SYNE3: variants seen among roughly 807,000 people sequenced by gnomAD.
The protein encoded by SYNE3 is spectrin repeat containing nuclear envelope family member 3.
Under a neutral mutation model 111.2 loss-of-function variants are expected in SYNE3, and 100 were observed. That is an observed-to-expected ratio of 0.90 (90% CI 0.77 to 1.06). SYNE3 has a LOEUF of 1.06. Among genes scored for constraint, SYNE3 ranks in the 50% least tolerant of loss-of-function variants. The pLI is 0.00. For missense variants in SYNE3, 1,160 were observed against 1,240.3 expected, an observed-to-expected ratio of 0.94 and a Z score of 0.97; for synonymous variants, 547 against 533.9, an observed-to-expected ratio of 1.02 and a Z score of -0.34.
At position 95,466,211 on chromosome 14, in the gene SYNE3, C is replaced by T. The variant is rs967775438; in HGVS notation, c.347G>A (p.Ser116Asn). 1.9e-6 allele frequency: 3 copies of T among 1,585,458 alleles called. No homozygotes were observed. The highest frequency in any genetic ancestry group is 8.6e-7 in the Non-Finnish European group (1 of 1,158,140). ...SRIEWVWLHW[S>N]EYLLARDEFY... ...CTCATCTCGGGCCAGCAGGTACTCG[C>T]TCCAGTGCAGCCACACCCACTCGAT... is the stretch of plus-strand genomic sequence containing the variant. Residue 116 changes from serine (S) to asparagine (N), a missense_variant, in exon 4 of 18, where the codon AGC (serine) becomes AAC (asparagine). Ser to Asn is a conservative substitution (Grantham distance 46, BLOSUM62 1). Coordinates refer to ENST00000682763, the MANE Select transcript of SYNE3 (RefSeq NM_152592.6).
At chr14:95,427,308 C>T (rs943086946) in intron 17 of SYNE3, among the ~76,000 whole-genome samples, 6 of 152,148 alleles carry the variant, frequency 3.9e-5, no homozygotes, top group Admixed American at 1.3e-4. Context: ...GACTGGGAAA[C>T]GGAGTCTCCC....
intron 8 of SYNE3, 129 bp downstream of exon 8, chr14:95,449,802 G>C: frequency 7.0e-7 from 1 of 1,421,064 alleles, no homozygotes; most frequent in Non-Finnish European, 9.4e-7. Context: ...TCAGCAGACC[G>C]GGCGCAGTGA....
At chr14:95,502,516 A>G (rs192706988) in intron 1 of SYNE3, among the ~76,000 whole-genome samples, 1 of 152,090 alleles carries the variant, frequency 6.6e-6, no homozygotes, top group East Asian at 1.9e-4. Context: ...TCTGAGCTTT[A>G]TCTCCTGAAG....
chr14:95,475,709 G>A lies in SYNE3; in HGVS notation c.113C>T (p.Ala38Val), dbSNP rs377599534. The change falls in exon 2 of 18, where the codon GCG becomes GTG. Residue 38 changes from alanine (A) to valine (V), a missense_variant. By Grantham distance (64) the Ala-to-Val change is moderately conservative. Transcript: ENST00000682763. Reference protein sequence around the residue: ...QVNDNTQGPRAALEARLWETE... With the variant: ...QVNDNTQGPRVALEARLWETE... ...CTCCCACAGCCTGGCCTCCAGGGCC[G>A]CGCGGGGTCCCTGCGTGTTGTCATT... is the stretch of plus-strand genomic sequence containing the variant. 98 of 1,595,880 alleles carry A rather than the reference G, an allele frequency of 6.1e-5. 1 individual carries two copies. In the East Asian group the frequency reaches 1.8e-3, roughly 29 times the overall value.
At chr14:95,439,508 C>T in intron 13 of SYNE3, 104 bp downstream of exon 13, 3 of 1,492,542 alleles carry the variant, frequency 2.0e-6, no homozygotes, top group Non-Finnish European at 2.8e-6. Context: ...CCTGGCTCCA[C>T]ACTGGGCAGC....
At chr14:95,464,069 T>C (rs913980753) in intron 4 of SYNE3, among the ~76,000 whole-genome samples, 1 of 152,250 alleles carries the variant, frequency 6.6e-6, no homozygotes, top group Non-Finnish European at 1.5e-5. Flanking sequence ...GCCTTGTTCC[T>C]GGTGGATTTT....
intron 1 of SYNE3, among the ~76,000 whole-genome samples, chr14:95,514,255 G>T (rs984025676): frequency 6.6e-6 from 1 of 152,202 alleles, no homozygotes; most frequent in East Asian, 1.9e-4. Context: ...TTGAAGCAGA[G>T]GTCAGCTAGG....
intron 1 of SYNE3, among the ~76,000 whole-genome samples, chr14:95,480,381 C>A (rs559634456): frequency 6.6e-6 from 1 of 150,650 alleles, no homozygotes; most frequent in Non-Finnish European, 1.5e-5. Context: ...CAAATGACAG[C>A]GGAAGAGAAG....
At chr14:95,490,945 G>C (rs1484636954) in intron 1 of SYNE3, among the ~76,000 whole-genome samples, 1 of 152,242 alleles carries the variant, frequency 6.6e-6, no homozygotes, top group Non-Finnish European at 1.5e-5. Context: ...CAAGGGCAGA[G>C]GCTATGTCTC....
intron 2 of SYNE3, among the ~76,000 whole-genome samples, chr14:95,469,965 C>G (rs1265449326): frequency 1.3e-5 from 2 of 152,144 alleles, no homozygotes; most frequent in African/African-American, 4.8e-5. Context: ...GGCAAACAAG[C>G]TCCTTCCAAA....
chr14:95,511,094 G>A (rs911679), intron 1 of SYNE3, among the ~76,000 whole-genome samples: 1 of 152,094 alleles, frequency 6.6e-6, no homozygotes, highest in African/African-American at 2.4e-5. Context: ...TTCCACTCCC[G>A]CTCTGGATGA....
intron 17 of SYNE3, among the ~76,000 whole-genome samples, chr14:95,427,660 T>G (rs898544785): frequency 3.9e-5 from 6 of 152,190 alleles, no homozygotes; most frequent in Non-Finnish European, 8.8e-5. Context: ...TCATGTGACC[T>G]TGTCAATCAT....
rs1903609890 is a variant in SYNE3 at position 95,417,282 on chromosome 14, T to G, written c.*544A>C. On this transcript the variant is annotated 3_prime_UTR_variant, in exon 18 of 18. Coordinates refer to ENST00000682763, the MANE Select transcript of SYNE3 (RefSeq NM_152592.6). ...AGCTACTCTTTGTGGTTGTTAAAACTAGACAAGCATACTTGTTCTCATTAC... is the reference window on the plus strand; with the variant it reads ...AGCTACTCTTTGTGGTTGTTAAAACGAGACAAGCATACTTGTTCTCATTAC... 1 of 163,096 alleles carries G rather than the reference T, an allele frequency of 6.1e-6. No individual in the cohort carries two copies. The highest frequency in any genetic ancestry group is 2.4e-5 in the African/African-American group (1 of 41,688). The allele number at this position is 163,096 out of a possible 1,614,324, so 10.1% of individuals were successfully genotyped here. A position where few individuals can be genotyped will look rare whatever the true frequency, so the allele number is the denominator to read the frequency against.
intron 2 of SYNE3, 93 bp downstream of exon 2, chr14:95,475,585 C>G: frequency 3.1e-6 from 4 of 1,271,600 alleles, no homozygotes; most frequent in Non-Finnish European, 4.0e-6. Context: ...TTTAGTCCAC[C>G]GTTGCCTTTC....
chr14:95,421,237 G>A (rs890219217), intron 17 of SYNE3, among the ~76,000 whole-genome samples: 7 of 152,152 alleles, frequency 4.6e-5, no homozygotes, highest in African/African-American at 1.7e-4. Flanking sequence ...GGAAGCAGGG[G>A]TTGATGAGCC....
chr14:95,461,459 G>A (rs1887811771), intron 4 of SYNE3, among the ~76,000 whole-genome samples: 1 of 152,232 alleles, frequency 6.6e-6, no homozygotes, highest in Admixed American at 6.5e-5. Flanking sequence ...TCCCCTCTGG[G>A]CTTAGCCTTG....
intron 17 of SYNE3, among the ~76,000 whole-genome samples, chr14:95,430,950 C>T (rs757527599): frequency 3.3e-5 from 5 of 152,216 alleles, no homozygotes; most frequent in Non-Finnish European, 5.9e-5. Context: ...TTGTGACTGC[C>T]CTGCCCAGTC....
intron 1 of SYNE3, among the ~76,000 whole-genome samples, chr14:95,495,711 G>A (rs906659604): frequency 6.6e-6 from 1 of 152,192 alleles, no homozygotes; most frequent in African/African-American, 2.4e-5. Flanking sequence ...GTAAAATGTC[G>A]GCAGAATGAG....
In SYNE3 at chr14:95,513,737, TTATATATATATATATA is replaced by T. The variant is rs59944497; in HGVS notation, c.-15+2843_-15+2858del. ...TTGTGGTCCAGTCAGGCTGCTTAGATTATATATATATATATATATATATATATATATATATTCAGAA... is the reference window on the plus strand; with the variant it reads ...TTGTGGTCCAGTCAGGCTGCTTAGATTATATATATATATATATATTCAGAA... On this transcript the variant is annotated intron_variant, in intron 1 of 17. Transcript: ENST00000682763. 2.7e-4 allele frequency among the ~76,000 whole-genome samples: 25 copies of T among 92,500 alleles called. 1 individual carries two copies. Among genetic ancestry groups the T allele is most frequent in the South Asian group, 1.3e-3 (3 of 2,304 alleles). The allele number at this position is 92,500 out of a possible 152,430, so 60.7% of individuals were successfully genotyped here.
Sources: gnomAD v4.1 joint callset for allele counts (sites outside exome capture counted in the v4.1 genomes callset) on GRCh38, gnomAD v4.1.1 for gene constraint, MANE v1.5 for transcripts, NCBI Gene and HGNC (gene_info 2026-07-23, HGNC 2026-07-21) for gene names.